Variants in GABBR2 observed in about 807,000 individuals in gnomAD.
The protein encoded by GABBR2 is G-protein coupled receptor 51.
Under a neutral mutation model 105.6 loss-of-function variants are expected in GABBR2, and 23 were observed. That is an observed-to-expected ratio of 0.22 (90% confidence interval 0.16 to 0.31). The LOEUF (loss-of-function observed/expected upper bound fraction) is 0.31. GABBR2 is among the 10% of genes least tolerant of loss of function. GABBR2 has a pLI of 1.00. For missense variants in GABBR2, 734 were observed against 1,245.5 expected, an observed-to-expected ratio of 0.59 and a Z score of 6.18; for synonymous variants, 478 against 499.7, an observed-to-expected ratio of 0.96 and a Z score of 0.58.
intron 3 of GABBR2, among the ~76,000 whole-genome samples, chr9:98,518,919 C>A (rs1173635188): frequency 6.6e-6 from 1 of 152,198 alleles, no homozygotes; most frequent in Non-Finnish European, 1.5e-5. Flanking sequence ...GGACACTGCA[C>A]CAAAGTGCTG....
At chr9:98,352,826 C>T (rs867156040) in intron 13 of GABBR2, among the ~76,000 whole-genome samples, 6 of 151,938 alleles carry the variant, frequency 3.9e-5, no homozygotes, top group African/African-American at 7.3e-5. Flanking sequence ...CCTGGGGACC[C>T]GGCTGTGCCA....
At chr9:98,659,507 TTTTC>T (rs369926385) in intron 1 of GABBR2, among the ~76,000 whole-genome samples, 1,803 of 123,272 alleles carry the variant, frequency 0.015, 461 homozygotes, top group Middle Eastern at 0.037. Context: ...AAACAACCTT[TTTTC>T]TTTTCTTTTC....
chr9:98,708,910 G>T lies in GABBR2; in HGVS notation c.-173C>A. On this transcript the variant is annotated 5_prime_UTR_variant, in exon 1 of 19. Transcript: ENST00000259455. ...TCAGAACGGCCGCGGCGGCGGCGGC[G>T]GCAGCGGCGGCGCCCGTGACGGATC... is the stretch of plus-strand genomic sequence containing the variant. 1 of 165,390 alleles carries T rather than the reference G, an allele frequency of 6.0e-6. No individual in the cohort carries two copies. The highest frequency in any genetic ancestry group is 1.8e-4 in the South Asian group (1 of 5,586). The allele number at this position is 165,390 out of a possible 1,614,324, so 10.2% of individuals were successfully genotyped here.
At chr9:98,319,806 C>T (rs1048648914) in intron 13 of GABBR2, among the ~76,000 whole-genome samples, 8 of 152,102 alleles carry the variant, frequency 5.3e-5, no homozygotes, top group Non-Finnish European at 1.2e-4. Context: ...TGAGATGCCC[C>T]CTGGGAGAGC....
intron 1 of GABBR2, among the ~76,000 whole-genome samples, chr9:98,590,575 G>A (rs917677366): frequency 2.0e-5 from 3 of 152,212 alleles, no homozygotes; most frequent in Non-Finnish European, 2.9e-5. Flanking sequence ...AAGTGTACTC[G>A]GGCTGCCGAT....
intron 9 of GABBR2, among the ~76,000 whole-genome samples, chr9:98,393,955 CT>C (rs1832241205): frequency 6.6e-6 from 1 of 152,196 alleles, no homozygotes; most frequent in East Asian, 1.9e-4. Context: ...GTTTAAACAC[CT>C]CAGTGTGCAC....
At chr9:98,632,115 T>G (rs79234286) in intron 1 of GABBR2, among the ~76,000 whole-genome samples, 2,379 of 152,306 alleles carry the variant, frequency 0.016, 64 homozygotes, top group African/African-American at 0.054. Context: ...GCGTTTGTTC[T>G]GTGTTCTCTG....
intron 3 of GABBR2, among the ~76,000 whole-genome samples, chr9:98,503,169 G>A (rs1355795987): frequency 6.6e-6 from 1 of 152,184 alleles, no homozygotes; most frequent in Non-Finnish European, 1.5e-5. Context: ...GCCAGGAGGT[G>A]GGGCAGGGAA....
chr9:98,516,405 C>G (rs1827757444), intron 3 of GABBR2: 1 of 152,352 alleles, frequency 6.6e-6, no homozygotes, highest in African/African-American at 2.4e-5. Context: ...ACCAACTCAC[C>G]AGCCCTCATT....
chr9:98,424,400 C>T (rs991977134), intron 7 of GABBR2, among the ~76,000 whole-genome samples: 2 of 151,502 alleles, frequency 1.3e-5, no homozygotes, highest in Non-Finnish European at 3.0e-5. Context: ...AAACTGGAAG[C>T]ATTCCCTTTG....
intron 2 of GABBR2, among the ~76,000 whole-genome samples, chr9:98,575,434 C>T (rs540772153): frequency 6.6e-6 from 1 of 152,254 alleles, no homozygotes; most frequent in African/African-American, 2.4e-5. Context: ...CAGGACTAAC[C>T]ACAAAGAACA....
chr9:98,295,406 A>G (rs1481148003), intron 17 of GABBR2, among the ~76,000 whole-genome samples: 3 of 152,150 alleles, frequency 2.0e-5, no homozygotes, highest in Non-Finnish European at 4.4e-5. Flanking sequence ...GTCCCTAAGC[A>G]CAAGAGGGCT....
intron 4 of GABBR2, among the ~76,000 whole-genome samples, chr9:98,494,261 G>A (rs1396056543): frequency 6.6e-6 from 1 of 152,190 alleles, no homozygotes; most frequent in Non-Finnish European, 1.5e-5. Flanking sequence ...ATATCAATCA[G>A]TGAAATGGAG....
intron 1 of GABBR2, among the ~76,000 whole-genome samples, chr9:98,639,002 G>C (rs957400257): frequency 6.6e-6 from 1 of 152,170 alleles, no homozygotes; most frequent in Non-Finnish European, 1.5e-5. Flanking sequence ...ACCAGTTACA[G>C]AAATAAAAAC....
At position 98,452,458 on chromosome 9, in the gene GABBR2, C is replaced by A. The variant is rs116303806; in HGVS notation, c.1236+1523G>T. The stretch of plus-strand genomic sequence containing the variant: ...AGACCAAAGTTCAAATCCCACTTGA[C>A]CCTGATTAGCTATAGTACTTAAATG... On this transcript the variant is annotated intron_variant, in intron 7 of 18. Coordinates refer to ENST00000259455, the MANE Select transcript of GABBR2 (RefSeq NM_005458.8). Among the ~76,000 whole-genome samples the A allele has an allele frequency of 4.3e-3, 655 of 152,328 alleles. 5 individuals are homozygous for A. The highest frequency in any genetic ancestry group is 0.015 in the African/African-American group (610 of 41,582).
intron 6 of GABBR2, among the ~76,000 whole-genome samples, chr9:98,470,106 T>A (rs1009597685): frequency 6.6e-6 from 1 of 152,112 alleles, no homozygotes; most frequent in Non-Finnish European, 1.5e-5. Flanking sequence ...CAAAGGCAAG[T>A]GCAACAAAGG....
At chr9:98,395,136 T>C (rs1832263808) in intron 8 of GABBR2, among the ~76,000 whole-genome samples, 1 of 152,078 alleles carries the variant, frequency 6.6e-6, no homozygotes, top group African/African-American at 2.4e-5. Flanking sequence ...GCAGAAGAAA[T>C]GGAAATGGGG....
intron 8 of GABBR2, among the ~76,000 whole-genome samples, chr9:98,403,060 C>G (rs1419963146): frequency 1.3e-5 from 2 of 151,980 alleles, no homozygotes; most frequent in Admixed American, 1.3e-4. Flanking sequence ...CTTTGGGAGG[C>G]CGAGGTGGGC....
In GABBR2 at chr9:98,473,362, T is replaced by C. The variant is rs1564083578; in HGVS notation, c.799-16A>G. On this transcript the variant is annotated splice_polypyrimidine_tract_variant and intron_variant, in intron 5 of 18. Transcript: ENST00000259455. The stretch of plus-strand genomic sequence containing the variant: ...CCTCGTATGCCTGTAAAAGATGGAG[T>C]GACTATGAGGGCATTGAGAGTCGCA... 1 of 1,566,352 alleles carries C rather than the reference T, an allele frequency of 6.4e-7. No individual in the cohort carries two copies. The highest frequency in any genetic ancestry group is 8.8e-7 in the Non-Finnish European group (1 of 1,137,612).
Sources: gnomAD v4.1 joint callset for allele counts (sites outside exome capture counted in the v4.1 genomes callset) on GRCh38, gnomAD v4.1.1 for gene constraint, MANE v1.5 for transcripts, NCBI Gene and HGNC (gene_info 2026-07-23, HGNC 2026-07-21) for gene names.